Variants in DAAM1 observed in about 807,000 individuals in gnomAD.
The protein encoded by DAAM1 is disheveled-associated activator of morphogenesis 1.
Under a neutral mutation model 130.0 loss-of-function variants are expected in DAAM1, and 52 were observed. The ratio of observed to expected loss-of-function variants is 0.40; its 90% confidence interval spans 0.32 to 0.50. DAAM1 has a LOEUF of 0.50. Among genes scored for constraint, DAAM1 ranks in the 20% least tolerant of loss-of-function variants. DAAM1 has a pLI of 0.61. For missense variants in DAAM1, 1,134 were observed against 1,303.8 expected (o/e 0.87, Z 2.01); for synonymous variants, 452 against 444.5 (o/e 1.02, Z -0.21).
rs1353488094 is a variant in DAAM1 at position 59,217,795 on chromosome 14, ACT to A, written c.-38+29030_-38+29031del. 6.6e-5 allele frequency among the ~76,000 whole-genome samples: 10 copies of A among 152,112 alleles called. No individual in the cohort carries two copies. The East Asian group carries it at 1.5e-3, about 23-fold the overall frequency. On this transcript the variant is annotated intron_variant, in intron 1 of 24. Coordinates refer to ENST00000360909, the MANE Select transcript of DAAM1 (RefSeq NM_001270520.2). ...AGACCAGCCTGGCCAATATGGTGAA[ACT>A]CTGTCTGTACTAAAAAAAACCCAAA...
At chr14:59,265,528 G>C (rs1285407143) in intron 2 of DAAM1, 4 of 152,198 alleles carry the variant, frequency 2.6e-5, no homozygotes, top group African/African-American at 9.7e-5. Context: ...TTACCTGTGT[G>C]TGTAATATGT....
In DAAM1 at chr14:59,359,513, T is replaced by G. The variant is rs563753619; in HGVS notation, c.2633+9T>G. On this transcript the variant is annotated intron_variant, in intron 21 of 24. Transcript: ENST00000360909. ...CAAGCTGCGAAAGTAAAGTAAGTAC[T>G]TACAGTGAGTGTTAGTTTCTTAAAT... 9 of 1,597,698 alleles carry G rather than the reference T, an allele frequency of 5.6e-6. No individual in the cohort carries two copies. The Admixed American group carries it at 1.5e-4, about 27-fold the overall frequency.
chr14:59,230,240 G>A (rs1009604207), intron 1 of DAAM1, among the ~76,000 whole-genome samples: 2 of 151,756 alleles, frequency 1.3e-5, no homozygotes, highest in African/African-American at 4.8e-5. Context: ...GTCTGATTGG[G>A]GCAGCACAGA....
At chr14:59,266,740 G>C (rs990484872) in intron 2 of DAAM1, among the ~76,000 whole-genome samples, 2 of 152,210 alleles carry the variant, frequency 1.3e-5, no homozygotes, top group Non-Finnish European at 1.5e-5. Flanking sequence ...TCTGCCCCAG[G>C]TTCTCTTGAG....
At chr14:59,225,019 G>GGTT (rs1566656869) in intron 1 of DAAM1, among the ~76,000 whole-genome samples, 6 of 90,808 alleles carry the variant, frequency 6.6e-5, no homozygotes. Flanking sequence ...ATCTGTGTGG[G>GGTT]TTTTTTTTTT....
At chr14:59,343,516 C>CT (rs1885934005) in intron 16 of DAAM1, among the ~76,000 whole-genome samples, 1 of 152,200 alleles carries the variant, frequency 6.6e-6, no homozygotes, top group Admixed American at 6.5e-5. Context: ...TCTTATCTTG[C>CT]TGTCTAGGAT....
At chr14:59,297,063 G>A (rs1883983191) in intron 3 of DAAM1, among the ~76,000 whole-genome samples, 1 of 152,152 alleles carries the variant, frequency 6.6e-6, no homozygotes, top group African/African-American at 2.4e-5. Flanking sequence ...CCAAATGCCA[G>A]TTGGTCAACA....
intron 1 of DAAM1, among the ~76,000 whole-genome samples, chr14:59,208,794 C>T (rs1252069675): frequency 6.6e-6 from 1 of 152,118 alleles, no homozygotes; most frequent in Non-Finnish European, 1.5e-5. Context: ...AATGGCTCAG[C>T]ACCATCCCCT....
At chr14:59,250,649 A>G (rs528815827) in intron 1 of DAAM1, among the ~76,000 whole-genome samples, 2 of 152,338 alleles carry the variant, frequency 1.3e-5, no homozygotes, top group Non-Finnish European at 1.5e-5. Context: ...TTGAAAATCC[A>G]TATAGATTCC....
intron 2 of DAAM1, among the ~76,000 whole-genome samples, chr14:59,270,093 A>G (rs1411460503): frequency 1.3e-5 from 2 of 152,196 alleles, no homozygotes; most frequent in Non-Finnish European, 2.9e-5. Flanking sequence ...ATTTACAGAA[A>G]TAACCATGGT....
At chr14:59,295,767 TC>T (rs1308880911) in intron 3 of DAAM1, among the ~76,000 whole-genome samples, 1 of 152,182 alleles carries the variant, frequency 6.6e-6, no homozygotes, top group Non-Finnish European at 1.5e-5. Context: ...TTCTAGTTCT[TC>T]CCAATATCTT....
At chr14:59,264,381 C>T (rs1882332581) in intron 2 of DAAM1, 1 of 152,158 alleles carries the variant, frequency 6.6e-6, no homozygotes, top group Non-Finnish European at 1.5e-5. Context: ...GGGGTGCTAG[C>T]ATAGGACTTA....
In DAAM1 at chr14:59,236,044, G is replaced by A. The variant is rs541359370; in HGVS notation, c.-37-27397G>A. On this transcript the variant is annotated intron_variant, in intron 1 of 24. Coordinates refer to ENST00000360909, the MANE Select transcript of DAAM1 (RefSeq NM_001270520.2). ...ATCCCATATTAAATGGTTACTCCAT[G>A]GCTTTATAATGAGAAGAGCCCTAAA... 4.6e-5 allele frequency among the ~76,000 whole-genome samples: 7 copies of A among 152,158 alleles called. 1 individual carries two copies. In the South Asian group the frequency reaches 1.5e-3, roughly 32 times the overall value.
Position 59,330,514 on chromosome 14 carries a change from A to T in DAAM1, c.1386A>T (p.Leu462=). 2 of 1,609,140 alleles carry T rather than the reference A, an allele frequency of 1.2e-6. No homozygotes were observed. Among genetic ancestry groups the T allele is most frequent in the Non-Finnish European group, 1.7e-6 (2 of 1,178,044 alleles). ...AEKMRKEHNE[L]QQKLEKKERE... is the part of the protein sequence containing the mutation. ...TTTCTCGTGTAGAGCACAATGAGCT[A>T]CAACAGAAACTGGAAAAGAAAGAAC... The change falls in exon 13 of 25, where the codon CTA becomes CTT. Residue 462 remains leucine (L), a synonymous_variant. Coordinates refer to ENST00000360909, the MANE Select transcript of DAAM1 (RefSeq NM_001270520.2).
Position 59,286,211 on chromosome 14 carries a change from T to A in DAAM1, c.184-5006T>A, listed in dbSNP as rs10145866. ...TGAAATTAAGGCAAAAGTATAAAAA[T>A]TTTTTTTTAAATCCTTGAAATTAAT... On this transcript the variant is annotated intron_variant, in intron 2 of 24. Transcript: ENST00000360909. Among the ~76,000 whole-genome samples the A allele has an allele frequency of 2.5e-3, 376 of 151,792 alleles. 2 individuals carry two copies. Among genetic ancestry groups the A allele is most frequent in the African/African-American group, 8.5e-3 (350 of 41,384 alleles).
rs147130945 is a variant in DAAM1, at chr14:59,219,852, G to A, written c.-38+31084G>A. 1.1e-4 allele frequency among the ~76,000 whole-genome samples: 17 copies of A among 152,190 alleles called. No individual in the cohort carries two copies. The East Asian group carries it at 3.1e-3, about 28-fold the overall frequency. On this transcript the variant is annotated intron_variant, in intron 1 of 24. Transcript: ENST00000360909. ...CCTTTGGTGTCTGCTCCTTTGCCTT[G>A]AGGACTTTGGTGCCACTTCTGGACA...
intron 2 of DAAM1, 35 bp from the exon 3 acceptor site, chr14:59,291,182 T>A: frequency 6.5e-7 from 1 of 1,537,178 alleles, no homozygotes. Flanking sequence ...ATAATGTTTA[T>A]CCTATGAAAC....
chr14:59,225,019 G>GGTTTTTTTTTTTTTTT (rs1566656869), intron 1 of DAAM1, among the ~76,000 whole-genome samples: 1 of 90,784 alleles, frequency 1.1e-5, no homozygotes. Flanking sequence ...ATCTGTGTGG[G>GGTTTTTTTTTTTTTTT]TTTTTTTTTT....
chr14:59,207,560 A>T (rs1251283619), intron 1 of DAAM1, among the ~76,000 whole-genome samples: 1 of 152,262 alleles, frequency 6.6e-6, no homozygotes, highest in Non-Finnish European at 1.5e-5. Context: ...TGTTATGTGA[A>T]TGATGACTTC....
Sources: gnomAD v4.1 joint callset for allele counts (sites outside exome capture counted in the v4.1 genomes callset) on GRCh38, gnomAD v4.1.1 for gene constraint, MANE v1.5 for transcripts, NCBI Gene and HGNC (gene_info 2026-07-23, HGNC 2026-07-21) for gene names.